Variants in ADPRHL1 observed in about 807,000 individuals in gnomAD.
The protein encoded by ADPRHL1 is ADP-ribosylhydrolase like 1, also known as inactive ADP-ribosyltransferase ARH2.
In ADPRHL1, 43 loss-of-function variants were observed where a neutral mutation model predicts 44.1. That is an observed-to-expected ratio of 0.98 (90% CI 0.76 to 1.26). The LOEUF (loss-of-function observed/expected upper bound fraction) is 1.26. Among genes scored for constraint, ADPRHL1 ranks in the 50% most tolerant of loss-of-function variants. ADPRHL1 has a pLI of 0.00. For synonymous variants in ADPRHL1, 878 were observed against 1,017.4 expected, an observed-to-expected ratio of 0.86 and a Z score of 2.61; for missense variants, 2,022 against 2,496.9, an observed-to-expected ratio of 0.81 and a Z score of 4.05.
Position 113,405,337 on chromosome 13 carries a change from G to A in ADPRHL1, c.3945C>T (p.Pro1315=), listed in dbSNP as rs777059210. ...PRGAEPDHLL[P]AVPPAEVDMG... ...TGTCCACCTCCGCGGGAGGCACTGC[G>A]GGAAGCAGATGGTCAGGCTCCGCCC... The change falls in exon 8 of 8, where the codon CCC becomes CCT. Residue 1315 remains proline (P), a synonymous_variant. Coordinates refer to ENST00000612156, the MANE Select transcript of ADPRHL1 (RefSeq NM_001394807.1). 74 of 1,231,726 alleles carry A rather than the reference G, an allele frequency of 6.0e-5. No homozygotes were observed. Among genetic ancestry groups the A allele is most frequent in the Middle Eastern group, 3.1e-4 (1 of 3,230 alleles). The allele number at this position is 1,231,726 out of a possible 1,614,324, so 76.3% of individuals were successfully genotyped here.
At chr13:113,442,637 A>G (rs2044107157) in intron 2 of ADPRHL1, among the ~76,000 whole-genome samples, 1 of 152,144 alleles carries the variant, frequency 6.6e-6, no homozygotes, top group African/African-American at 2.4e-5. Context: ...CTTCTTGAGT[A>G]TTACTTCAGA....
At chr13:113,445,274 G>A (rs777698136) in intron 1 of ADPRHL1, among the ~76,000 whole-genome samples, 2 of 152,274 alleles carry the variant, frequency 1.3e-5, no homozygotes, top group Non-Finnish European at 2.9e-5. Flanking sequence ...CCCTGATAAG[G>A]CTCAGTGAGG....
chr13:113,450,957 C>CCA (rs1441077320), intron 1 of ADPRHL1, among the ~76,000 whole-genome samples: 1 of 151,482 alleles, frequency 6.6e-6, no homozygotes, highest in Non-Finnish European at 1.5e-5. Context: ...GGGAGACCCC[C>CCA]CCCCCCTTCC....
chr13:113,403,636 T>C lies in ADPRHL1; in HGVS notation c.5646A>G (p.Gly1882=). The change falls in exon 8 of 8, where the codon GGA becomes GGG. Residue 1882 remains glycine (G), a synonymous_variant. Transcript: ENST00000612156. ...KSIATSPLGL[G]KSPTEPKPEA... is the part of the protein sequence containing the mutation. ...CAGGCTTGGGCTCAGTTGGGCTCTT[T>C]CCCAGCCCCAGGGGAGAGGTGGCAA... is the stretch of plus-strand genomic sequence containing the variant. 8.1e-7 allele frequency: 1 copy of C among 1,231,670 alleles called. No homozygotes were observed. Among genetic ancestry groups the C allele is most frequent in the African/African-American group, 1.6e-5 (1 of 64,492 alleles). 76.3% of individuals were successfully genotyped at this position (1,231,670 alleles called of 1,614,324 possible). A position where few individuals can be genotyped will look rare whatever the true frequency, so the allele number is the denominator to read the frequency against.
At chr13:113,429,330 C>T (rs756017239) in intron 3 of ADPRHL1, among the ~76,000 whole-genome samples, 2 of 152,236 alleles carry the variant, frequency 1.3e-5, no homozygotes, top group Admixed American at 6.5e-5. Flanking sequence ...CTCACCCCAC[C>T]GCCCTCCCCA....
In ADPRHL1 at chr13:113,405,234, G is replaced by T; in HGVS notation, c.4048C>A (p.Gln1350Lys). 1 of 1,231,910 alleles carries T rather than the reference G, an allele frequency of 8.1e-7. No individual in the cohort carries two copies. The highest frequency in any genetic ancestry group is 1.0e-6 in the Non-Finnish European group (1 of 988,094). 76.3% of individuals were successfully genotyped at this position (1,231,910 alleles called of 1,614,324 possible). The change falls in exon 8 of 8, where the codon CAG becomes AAG. Residue 1350 changes from glutamine (Q) to lysine (K), a missense_variant. Coordinates refer to ENST00000612156, the MANE Select transcript of ADPRHL1 (RefSeq NM_001394807.1). ...GGGACACTGGCCCGGAGCTTTGCCT[G>T]TGTGTCACCAGCAGTAGGGGGCAGG... ...AHLPPTAGDT[Q>K]AKLRASVPEP...
At chr13:113,436,949 C>A (rs1343153086) in intron 2 of ADPRHL1, among the ~76,000 whole-genome samples, 1 of 148,236 alleles carries the variant, frequency 6.7e-6, no homozygotes, top group African/African-American at 2.5e-5. Flanking sequence ...CGGGACCCAG[C>A]ACCCAGGTGT....
rs972129666 is a variant in ADPRHL1 at position 113,407,393 on chromosome 13, G to A, written c.1889C>T (p.Pro630Leu). The A allele has an allele frequency of 5.7e-6, 7 of 1,231,828 alleles. No homozygotes were observed. Among genetic ancestry groups the A allele is most frequent in the African/African-American group, 1.6e-5 (1 of 64,426 alleles). The allele number at this position is 1,231,828 out of a possible 1,614,324, so 76.3% of individuals were successfully genotyped here. ...ALSIATVVCGPRSWLSHCTKI... is the reference protein window; with the variant it reads ...ALSIATVVCGLRSWLSHCTKI... ...GGTGCAGTGGGACAGCCAGCTCCTG[G>A]GGCCACAGACGACGGTGGCGATGCT... Residue 630 changes from proline (P) to leucine (L), a missense_variant, in exon 8 of 8, where the codon CCC becomes CTC. By Grantham distance (98) the Pro-to-Leu change is moderately conservative (BLOSUM62 -3). Around this residue, in one of 8 missense-constraint regions of ADPRHL1, gnomAD observed 1,221 missense variants for 1,517.8 expected, o/e 0.80. Transcript: ENST00000612156.
Position 113,404,394 on chromosome 13 carries a change from C to T in ADPRHL1, c.4888G>A (p.Glu1630Lys), listed in dbSNP as rs1346111918. Residue 1630 changes from glutamate (E) to lysine (K), a missense_variant, in exon 8 of 8, where the codon GAA (glutamate) becomes AAA (lysine). By Grantham distance (56) the Glu-to-Lys change is moderately conservative. Transcript: ENST00000612156. ...TCCTGAGCCCCTTTCTGGGTCTGTT[C>T]CTGAGCCCATTTCTGGGCCTTTATC... The part of the protein sequence containing the change: ...TQIKAQKWAQ[E>K]QTQKGAQERV... 7.5e-7 allele frequency: 1 copy of T among 1,329,838 alleles called. No homozygotes were observed. Among genetic ancestry groups the T allele is most frequent in the Non-Finnish European group, 9.5e-7 (1 of 1,048,266 alleles). The allele number at this position is 1,329,838 out of a possible 1,614,324, so 82.4% of individuals were successfully genotyped here.
Position 113,400,716 on chromosome 13 carries a change from CAG to C in ADPRHL1, c.*2660_*2661del, listed in dbSNP as rs1242420013. ...GTCACTGGCAGTTTTTTCCTGCACA[CAG>C]AGTAGCTGTGCTGTTTTTGAGCTGA... On this transcript the variant is annotated 3_prime_UTR_variant, in exon 8 of 8. Transcript: ENST00000612156. The C allele has an allele frequency of 1.3e-5, 2 of 152,240 alleles. No individual in the cohort carries two copies. The highest frequency in any genetic ancestry group is 6.5e-5 in the Admixed American group (1 of 15,284). 9.4% of individuals were successfully genotyped at this position (152,240 alleles called of 1,614,324 possible).
chr13:113,426,806 C>T (rs892605608), intron 4 of ADPRHL1, among the ~76,000 whole-genome samples: 11 of 152,212 alleles, frequency 7.2e-5, no homozygotes, highest in Admixed American at 3.3e-4. Context: ...GCCTCTCACC[C>T]GAGTCAGCCG....
intron 5 of ADPRHL1, among the ~76,000 whole-genome samples, 156 bp downstream of exon 5, chr13:113,424,896 G>A (rs796593318): frequency 1.3e-4 from 6 of 47,668 alleles, no homozygotes; most frequent in Admixed American, 4.2e-4. Context: ...ATCCATTCAC[G>A]CACCCTTCCA....
chr13:113,406,154 G>A lies in ADPRHL1; in HGVS notation c.3128C>T (p.Ala1043Val), dbSNP rs982724811. 1.5e-5 allele frequency: 19 copies of A among 1,232,042 alleles called. No individual in the cohort carries two copies. The highest frequency in any genetic ancestry group is 4.1e-5 in the South Asian group (1 of 24,322). 76.3% of individuals were successfully genotyped at this position (1,232,042 alleles called of 1,614,324 possible). ...CCCCGTACGCCCCTTGGATGATGCC[G>A]CCAGTGACGTGGGGGCTCCTGTTGG... ...RNPTGAPTSL[A>V]ASSKGRTGPE... is the part of the protein sequence containing the mutation. Residue 1043 changes from alanine to valine, a missense_variant, in exon 8 of 8, where the codon GCG becomes GTG. By Grantham distance (64) the Ala-to-Val change is moderately conservative (BLOSUM62 0). Transcript: ENST00000612156.
intron 1 of ADPRHL1, among the ~76,000 whole-genome samples, chr13:113,447,196 G>A (rs1327000116): frequency 2.1e-5 from 3 of 142,388 alleles, no homozygotes; most frequent in South Asian, 2.3e-4. Flanking sequence ...CTACACGCAC[G>A]GTGTTGTGTG....
chr13:113,437,123 C>G (rs1468511860), intron 2 of ADPRHL1, among the ~76,000 whole-genome samples: 44 of 108,066 alleles, frequency 4.1e-4, no homozygotes, highest in Admixed American at 7.8e-4. Context: ...CCAGCACCCA[C>G]ACGTAGAGTG....
Position 113,444,587 on chromosome 13 carries a change from A to C in ADPRHL1, c.217T>G (p.Tyr73Asp). The C allele has an allele frequency of 6.2e-7, 1 of 1,613,164 alleles. No individual in the cohort carries two copies. ...CGGTACAGATCATCCAGGCACCAGT[A>C]GTCTGCGGAAGAAAGGGAGGGCAGA... ...IATAEALTTDYWCLDDLYREM... is the reference protein window; with the variant it reads ...IATAEALTTDDWCLDDLYREM... The change falls in exon 2 of 8, where the codon TAC becomes GAC. Residue 73 changes from tyrosine to aspartate, a missense_variant and splice_region_variant. Tyr to Asp is a radical substitution (Grantham distance 160, BLOSUM62 -3). Transcript: ENST00000612156.
At chr13:113,440,801 A>G (rs911524528) in intron 2 of ADPRHL1, among the ~76,000 whole-genome samples, 1 of 152,110 alleles carries the variant, frequency 6.6e-6, no homozygotes, top group African/African-American at 2.4e-5. Flanking sequence ...CTTTATATTT[A>G]AAGTGTTACT....
chr13:113,418,994 CCCTCCCTT>C lies in ADPRHL1; in HGVS notation c.1061+3824_1061+3831del, dbSNP rs1347917524. Among the ~76,000 whole-genome samples the C allele has an allele frequency of 2.9e-3, 400 of 139,374 alleles. 26 individuals are homozygous for C. Among genetic ancestry groups the C allele is most frequent in the African/African-American group, 7.7e-3 (275 of 35,856 alleles). 91.4% of individuals were successfully genotyped at this position (139,374 alleles called of 152,430 possible). A position where few individuals can be genotyped will look rare whatever the true frequency, so the allele number is the denominator to read the frequency against. On this transcript the variant is annotated intron_variant, in intron 7 of 7. Coordinates refer to ENST00000612156, the MANE Select transcript of ADPRHL1 (RefSeq NM_001394807.1). ...CCCTCTTTTCCTTCCCTCCCTCCCT[CCCTCCCTT>C]CCTCCCTCCCTTCCTTCCTTTCTTC...
At chr13:113,424,788 C>A (rs374764069) in intron 5 of ADPRHL1, among the ~76,000 whole-genome samples, 1 of 73,892 alleles carries the variant, frequency 1.4e-5, no homozygotes, top group Middle Eastern at 5.7e-3. Context: ...AACCACCCAT[C>A]CATATACCCA....
Sources: allele counts gnomAD v4.1 joint callset (sites outside exome capture counted in the v4.1 genomes callset), GRCh38; gene constraint gnomAD v4.1.1; regional missense constraint gnomAD v4.1.1; transcripts MANE v1.5; gene names NCBI Gene and HGNC (gene_info 2026-07-23, HGNC 2026-07-21).